HDAC9: variants seen among roughly 807,000 people sequenced by gnomAD.
HDAC9 encodes the protein histone deacetylase 9.
Under a neutral mutation model 139.4 loss-of-function variants are expected in HDAC9, and 41 were observed. That is an observed-to-expected ratio of 0.29 (90% CI 0.23 to 0.38). The LOEUF (loss-of-function observed/expected upper bound fraction) is 0.38, where lower values mean the gene tolerates loss of function less well. Among genes scored for constraint, HDAC9 ranks in the 10% least tolerant of loss-of-function variants. HDAC9 has a pLI of 1.00. For synonymous variants in HDAC9, 517 were observed against 476.2 expected, an observed-to-expected ratio of 1.09 and a Z score of -1.12; for missense variants, 1,147 against 1,297.0, an observed-to-expected ratio of 0.88 and a Z score of 1.78.
chr7:18,203,982 G>C (rs1238270455), intron 2 of HDAC9, among the ~76,000 whole-genome samples: 1 of 152,118 alleles, frequency 6.6e-6, no homozygotes, highest in East Asian at 1.9e-4. Context: ...GAAAGCTCAT[G>C]CATACTGAAG....
intron 21 of HDAC9, among the ~76,000 whole-genome samples, chr7:18,869,140 C>T (rs1159016618): frequency 7.1e-6 from 1 of 140,314 alleles, no homozygotes; most frequent in African/African-American, 3.0e-5. Context: ...CCTGGACTCA[C>T]AATTGGGGTG....
chr7:18,950,557 T>A (rs1782720361), intron 23 of HDAC9, among the ~76,000 whole-genome samples: 1 of 152,074 alleles, frequency 6.6e-6, no homozygotes, highest in African/African-American at 2.4e-5. Context: ...TCAACATTTT[T>A]AAAATGTCTT....
intron 12 of HDAC9, among the ~76,000 whole-genome samples, chr7:18,706,617 G>C (rs1562869420): frequency 6.6e-6 from 1 of 152,212 alleles, no homozygotes; most frequent in Non-Finnish European, 1.5e-5. Flanking sequence ...CTCAACCTGG[G>C]AGGACTTTGT....
intron 2 of HDAC9, among the ~76,000 whole-genome samples, chr7:18,277,976 A>T (rs531156708): frequency 6.6e-6 from 1 of 152,292 alleles, no homozygotes; most frequent in African/African-American, 2.4e-5. Context: ...TACCATGTCT[A>T]TGTCATTGCA....
At chr7:18,182,789 C>T (rs895290783) in intron 2 of HDAC9, among the ~76,000 whole-genome samples, 1 of 152,146 alleles carries the variant, frequency 6.6e-6, no homozygotes, top group African/African-American at 2.4e-5. Flanking sequence ...AGGAGATTGG[C>T]TTGAGAATAA....
chr7:18,655,328 C>A (rs1790755058), intron 11 of HDAC9, among the ~76,000 whole-genome samples: 1 of 152,118 alleles, frequency 6.6e-6, no homozygotes, highest in Non-Finnish European at 1.5e-5. Context: ...CATTGAAAGG[C>A]AGTCTTAATT....
At chr7:18,545,396 T>G (rs1216835880) in intron 2 of HDAC9, among the ~76,000 whole-genome samples, 1 of 152,204 alleles carries the variant, frequency 6.6e-6, no homozygotes, top group Non-Finnish European at 1.5e-5. Context: ...CCAATCTGAC[T>G]TCAAGGTTTG....
chr7:18,617,565 A>G (rs147109060), intron 6 of HDAC9, among the ~76,000 whole-genome samples: 149 of 152,236 alleles, frequency 9.8e-4, no homozygotes, highest in African/African-American at 3.5e-3. Context: ...TTTACCTGGT[A>G]CCTTCCTACC....
chr7:18,930,730 G>A (rs1804667654), intron 22 of HDAC9, among the ~76,000 whole-genome samples: 1 of 152,188 alleles, frequency 6.6e-6, no homozygotes, highest in East Asian at 1.9e-4. Context: ...GAGTTCAGCT[G>A]CCTCAGTCTC....
intron 1 of HDAC9, among the ~76,000 whole-genome samples, chr7:18,483,343 T>C (rs1362829884): frequency 6.6e-6 from 1 of 152,178 alleles, no homozygotes; most frequent in Non-Finnish European, 1.5e-5. Flanking sequence ...GATACAGTGA[T>C]TTTGAAGAAC....
chr7:18,389,426 C>A (rs1786254103), intron 1 of HDAC9, among the ~76,000 whole-genome samples: 1 of 152,200 alleles, frequency 6.6e-6, no homozygotes, highest in African/African-American at 2.4e-5. Context: ...CAGCACATGG[C>A]TTCCAGTGTT....
chr7:18,558,970 A>G (rs1378582251), intron 2 of HDAC9, among the ~76,000 whole-genome samples: 1 of 152,152 alleles, frequency 6.6e-6, no homozygotes, highest in Non-Finnish European at 1.5e-5. Flanking sequence ...AGTGAGGGGA[A>G]CAGGTAAGGC....
chr7:18,264,078 T>G (rs1352381911), intron 2 of HDAC9, among the ~76,000 whole-genome samples: 1 of 152,014 alleles, frequency 6.6e-6, no homozygotes, highest in Non-Finnish European at 1.5e-5. Context: ...AATGGAGAAA[T>G]AGAAAATTTA....
At chr7:18,358,028 AGTTTAGAAGGT>A (rs1253083584) in intron 1 of HDAC9, among the ~76,000 whole-genome samples, 2 of 152,164 alleles carry the variant, frequency 1.3e-5, no homozygotes, top group African/African-American at 4.8e-5. Flanking sequence ...ATGTGGCAGA[AGTTTAGAAGGT>A]GTAGCTGGGT....
rs545041060 is a variant in HDAC9 at position 18,096,938 on chromosome 7, GATCTA to G, written c.-97+9730_-97+9734del. ...GTGTGTGTGTATTCGTACTCTTTTA[GATCTA>G]ATCTCTTATGTACAGGGCACTTCTA... On this transcript the variant is annotated intron_variant, in intron 1 of 12. Transcript: ENST00000417496. Among the ~76,000 whole-genome samples, 8 of 147,094 alleles carry G rather than the reference GATCTA, an allele frequency of 5.4e-5. No homozygotes were observed. In the South Asian group the frequency reaches 1.7e-3, roughly 32 times the overall value.
intron 2 of HDAC9, among the ~76,000 whole-genome samples, chr7:18,226,453 G>A (rs1244659426): frequency 6.6e-6 from 1 of 152,040 alleles, no homozygotes; most frequent in Non-Finnish European, 1.5e-5. Flanking sequence ...ACTATACATT[G>A]CCCTTTTTAA....
intron 22 of HDAC9, among the ~76,000 whole-genome samples, chr7:18,910,957 C>A (rs560121269): frequency 1.3e-4 from 20 of 151,852 alleles, no homozygotes; most frequent in African/African-American, 4.3e-4. Flanking sequence ...GTAATATTGG[C>A]CTCATAGAAT....
In HDAC9 at chr7:18,374,131, T is replaced by A. The variant is rs189083521; in HGVS notation, c.-42+83616T>A. ...ACTATGCATATATATCATAAAAATA[T>A]AGCTTAACCGTATCATATATACTAG... is the stretch of plus-strand genomic sequence containing the variant. On this transcript the variant is annotated intron_variant, in intron 1 of 3. Coordinates refer to the HDAC9 transcript ENST00000413509. Among the ~76,000 whole-genome samples, 297 of 151,790 alleles carry A rather than the reference T, an allele frequency of 2.0e-3. 1 individual carries two copies. Among genetic ancestry groups the A allele is most frequent in the African/African-American group, 7.0e-3 (288 of 41,434 alleles).
intron 2 of HDAC9, among the ~76,000 whole-genome samples, chr7:18,245,410 C>G (rs1038189782): frequency 6.6e-6 from 1 of 152,120 alleles, no homozygotes; most frequent in Non-Finnish European, 1.5e-5. Flanking sequence ...ACACTGAGAC[C>G]TCCTCTTCTC....
Sources: gnomAD v4.1 joint callset for allele counts (sites outside exome capture counted in the v4.1 genomes callset) on GRCh38, gnomAD v4.1.1 for gene constraint, MANE v1.5 for transcripts, NCBI Gene and HGNC (gene_info 2026-07-23, HGNC 2026-07-21) for gene names.